The following TRPM3 variants were observed in gnomAD, a reference collection of about 807,000 sequenced individuals.
TRPM3 encodes transient receptor potential cation channel subfamily M member 3.
Under a neutral mutation model 181.2 loss-of-function variants are expected in TRPM3, and 77 were observed. That is an observed-to-expected ratio of 0.42 (90% CI 0.35 to 0.51). The LOEUF (loss-of-function observed/expected upper bound fraction) is 0.51. Among genes scored for constraint, TRPM3 ranks in the 20% least tolerant of loss-of-function variants. The probability of loss-of-function intolerance (pLI) is 0.01; values close to 1 mark genes in which losing one functional copy is unlikely to be tolerated. For missense variants in TRPM3, 1,759 were observed against 2,196.7 expected, an observed-to-expected ratio of 0.80 and a Z score of 3.98; for synonymous variants, 745 against 796.4, an observed-to-expected ratio of 0.94 and a Z score of 1.09.
chr9:70,634,413 TATA>T (rs202234139), intron 12 of TRPM3, among the ~76,000 whole-genome samples: 2,693 of 152,304 alleles, frequency 0.018, 80 homozygotes, highest in African/African-American at 0.061. Context: ...GTGCCTAGCC[TATA>T]ATAATAAAAT....
At chr9:70,774,481 G>A (rs1026910249) in intron 7 of TRPM3, 32 of 152,094 alleles carry the variant, frequency 2.1e-4, no homozygotes, top group African/African-American at 7.2e-4. Context: ...TAGTAGTTAC[G>A]TTTTTGGGAA....
At chr9:70,802,303 T>C (rs1291336156) in intron 6 of TRPM3, among the ~76,000 whole-genome samples, 1 of 152,220 alleles carries the variant, frequency 6.6e-6, no homozygotes, top group Non-Finnish European at 1.5e-5. Flanking sequence ...TTTTTTTCTA[T>C]AAAGGGTCAA....
At chr9:70,980,796 C>A (rs967178146) in intron 1 of TRPM3, among the ~76,000 whole-genome samples, 11 of 152,178 alleles carry the variant, frequency 7.2e-5, no homozygotes, top group Admixed American at 5.9e-4. Context: ...TGTGGGAACC[C>A]AGTCTTTGGG....
chr9:71,255,614 G>A (rs2082624401), intron 1 of TRPM3, among the ~76,000 whole-genome samples: 1 of 152,152 alleles, frequency 6.6e-6, no homozygotes, highest in Non-Finnish European at 1.5e-5. Context: ...TGATGATGTT[G>A]AAGTCTATTC....
intron 1 of TRPM3, among the ~76,000 whole-genome samples, chr9:71,239,578 T>A (rs2081548645): frequency 6.6e-6 from 1 of 152,142 alleles, no homozygotes; most frequent in South Asian, 2.1e-4. Flanking sequence ...ACCACCTTTT[T>A]ACCTCAAAAG....
At chr9:70,740,128 A>G (rs1205116108) in intron 8 of TRPM3, among the ~76,000 whole-genome samples, 2 of 152,216 alleles carry the variant, frequency 1.3e-5, no homozygotes, top group Admixed American at 6.5e-5. Context: ...CAAAGTTTCA[A>G]GATACAAAAT....
At chr9:71,312,007 G>C (rs1004461675) in intron 1 of TRPM3, among the ~76,000 whole-genome samples, 3 of 152,092 alleles carry the variant, frequency 2.0e-5, no homozygotes, top group Non-Finnish European at 2.9e-5. Flanking sequence ...TCTTGGGTAT[G>C]GTGGTGACCT....
intron 1 of TRPM3, among the ~76,000 whole-genome samples, chr9:71,026,188 CAGA>C (rs2097895357): frequency 6.6e-6 from 1 of 152,180 alleles, no homozygotes; most frequent in East Asian, 1.9e-4. Flanking sequence ...CTTGCTCCCA[CAGA>C]AGACTTTAGC....
chr9:71,102,944 T>C (rs1388166034), intron 1 of TRPM3, among the ~76,000 whole-genome samples: 1 of 152,186 alleles, frequency 6.6e-6, no homozygotes, highest in Non-Finnish European at 1.5e-5. Context: ...ATTACACATA[T>C]ATGCTTTGCC....
At chr9:70,672,602 C>T (rs917344600) in intron 9 of TRPM3, among the ~76,000 whole-genome samples, 6 of 152,178 alleles carry the variant, frequency 3.9e-5, no homozygotes, top group African/African-American at 1.4e-4. Flanking sequence ...CACTGATGCT[C>T]TAACAATTTA....
intron 7 of TRPM3, chr9:70,783,848 C>G: frequency 8.7e-7 from 1 of 1,150,088 alleles, no homozygotes; most frequent in Non-Finnish European, 1.1e-6. Flanking sequence ...GAGACCACAG[C>G]CTATGACCTC....
chr9:71,156,422 A>ACAC (rs1565285039), intron 1 of TRPM3, among the ~76,000 whole-genome samples: 52 of 95,034 alleles, frequency 5.5e-4, no homozygotes, highest in African/African-American at 1.6e-3. Context: ...CACACACACA[A>ACAC]GGCTTATCAC....
chr9:71,215,799 G>T (rs971500369), intron 1 of TRPM3, among the ~76,000 whole-genome samples: 5 of 152,118 alleles, frequency 3.3e-5, no homozygotes, highest in Admixed American at 6.5e-5. Flanking sequence ...AGTTTTCTAG[G>T]ACCATTCTGT....
chr9:71,093,373 TAAAC>T (rs2066549993), intron 1 of TRPM3, among the ~76,000 whole-genome samples: 1 of 151,210 alleles, frequency 6.6e-6, no homozygotes, highest in Admixed American at 6.6e-5. Flanking sequence ...ACAAAGAACT[TAAAC>T]AAATTTACAA....
intron 1 of TRPM3, among the ~76,000 whole-genome samples, chr9:70,896,394 T>A (rs2096278956): frequency 6.6e-6 from 1 of 152,206 alleles, no homozygotes; most frequent in African/African-American, 2.4e-5. Context: ...GCTAGAACTC[T>A]TGAAAACATA....
At chr9:70,691,373 ATGGACT>A (rs33984429) in intron 8 of TRPM3, among the ~76,000 whole-genome samples, 54,617 of 151,640 alleles carry the variant, frequency 0.36, 10,006 homozygotes, top group East Asian at 0.46. Context: ...TTATTTTACA[ATGGACT>A]TGTCAGTTTA....
chr9:70,980,261 A>T (rs2097351583), intron 1 of TRPM3, among the ~76,000 whole-genome samples: 1 of 152,044 alleles, frequency 6.6e-6, no homozygotes, highest in Non-Finnish European at 1.5e-5. Flanking sequence ...GTCTAGAGGA[A>T]TTGGGATTTC....
At chr9:70,856,577 A>T (rs532855000) in intron 3 of TRPM3, among the ~76,000 whole-genome samples, 21 of 152,304 alleles carry the variant, frequency 1.4e-4, no homozygotes, top group Admixed American at 6.5e-5. Context: ...TGCTGCTGAC[A>T]GCCTCCCCCT....
rs1468371488 is a variant in TRPM3, at chr9:71,420,790, AG to A, written c.183+25862del. Among the ~76,000 whole-genome samples, 9 of 14,252 alleles carry A rather than the reference AG, an allele frequency of 6.3e-4. 1 individual carries two copies. In the East Asian group the frequency reaches 7.5e-3, roughly 12 times the overall value. The allele number at this position is 14,252 out of a possible 152,430, so 9.3% of individuals were successfully genotyped here. A position where few individuals can be genotyped will look rare whatever the true frequency, so the allele number is the denominator to read the frequency against. ...GAAAGAGAGAGAAAGAGAGAGAAAGAGAGAGAAAGAAAGAGAGAAAGAAAGA... is the reference window on the plus strand; with the variant it reads ...GAAAGAGAGAGAAAGAGAGAGAAAGAAGAGAAAGAAAGAGAGAAAGAAAGA... On this transcript the variant is annotated intron_variant, in intron 1 of 24. Transcript: ENST00000357533.
Sources: allele counts gnomAD v4.1 joint callset (sites outside exome capture counted in the v4.1 genomes callset), GRCh38; gene constraint gnomAD v4.1.1; transcripts MANE v1.5; gene names NCBI Gene and HGNC (gene_info 2026-07-23, HGNC 2026-07-21).